The following KCNAB1 variants were observed in gnomAD, a reference collection of about 807,000 sequenced individuals.
KCNAB1 encodes voltage-gated potassium channel subunit beta-1.
A neutral mutation model predicts 64.6 loss-of-function variants in KCNAB1; 35 were observed. The observed-to-expected ratio is 0.54, with a 90% CI of 0.41 to 0.72. The LOEUF (loss-of-function observed/expected upper bound fraction) is 0.72. KCNAB1 is among the 30% of genes least tolerant of loss of function. The probability of loss-of-function intolerance (pLI) is 0.00; values close to 1 mark genes in which losing one functional copy is unlikely to be tolerated. For synonymous variants in KCNAB1, 177 were observed against 183.8 expected (o/e 0.96, Z 0.30); for missense variants, 401 against 512.9 (o/e 0.78, Z 2.11).
At chr3:156,130,305 A>ATAGGTG (rs1287403969) in intron 1 of KCNAB1, among the ~76,000 whole-genome samples, 1 of 152,214 alleles carries the variant, frequency 6.6e-6, no homozygotes, top group Non-Finnish European at 1.5e-5. Context: ...TCTAGTAAAA[A>ATAGGTG]TAGGTGTAGA....
At chr3:156,120,576 A>T (rs748629814), upstream of KCNAB1, 21 of 1,611,172 alleles carry the variant, frequency 1.3e-5, no homozygotes, top group Admixed American at 3.5e-4. Context: ...TACTTTGATG[A>T]CAGTGACTTC....
At chr3:156,285,931 G>A (rs1720077243) in intron 1 of KCNAB1, among the ~76,000 whole-genome samples, 1 of 152,224 alleles carries the variant, frequency 6.6e-6, no homozygotes, top group African/African-American at 2.4e-5. Flanking sequence ...ATAATCATTA[G>A]TGGCTGTAGA....
chr3:156,295,300 G>C (rs1576688671), intron 1 of KCNAB1, among the ~76,000 whole-genome samples: 2 of 152,078 alleles, frequency 1.3e-5, no homozygotes, highest in South Asian at 4.2e-4. Context: ...TAAGGTATAT[G>C]GTGCTACCTG....
chr3:156,489,748 T>C (rs1034278616), intron 8 of KCNAB1, among the ~76,000 whole-genome samples: 1 of 151,918 alleles, frequency 6.6e-6, no homozygotes, highest in Admixed American at 6.6e-5. Flanking sequence ...CCTAGACCAA[T>C]ATGTATGAAA....
chr3:156,179,457 C>A lies in KCNAB1; in HGVS notation c.275+58571C>A, dbSNP rs941136650. ...CCTCACCCCCTGCGTTCTTCCCCCG[C>A]GTTCTTCTGGCTAATTGCTCGTTAT... On this transcript the variant is annotated intron_variant, in intron 1 of 13. Transcript: ENST00000490337. Among the ~76,000 whole-genome samples the A allele has an allele frequency of 1.0e-4, 14 of 135,672 alleles. 1 individual carries two copies. The highest frequency in any genetic ancestry group is 1.6e-5 in the Non-Finnish European group (1 of 63,316). 89.0% of individuals were successfully genotyped at this position (135,672 alleles called of 152,430 possible).
In KCNAB1 at chr3:156,499,109, T is replaced by C. The variant is rs116604167; in HGVS notation, c.659-15255T>C. Among the ~76,000 whole-genome samples, 378 of 152,360 alleles carry C rather than the reference T, an allele frequency of 2.5e-3. 4 individuals are homozygous for C. Among genetic ancestry groups the C allele is most frequent in the African/African-American group, 8.9e-3 (368 of 41,576 alleles). On this transcript the variant is annotated intron_variant, in intron 8 of 13. Coordinates refer to ENST00000490337, the MANE Select transcript of KCNAB1 (RefSeq NM_172160.3). ...ATGAGAGTGTTTTTGAGAAAGTTAG[T>C]TAAGGCTTTAGAGGAAAAACATCTG...
chr3:156,152,687 C>T (rs775480093), intron 1 of KCNAB1, among the ~76,000 whole-genome samples: 18 of 152,148 alleles, frequency 1.2e-4, no homozygotes, highest in Non-Finnish European at 8.8e-5. Flanking sequence ...CCAAGCTCTC[C>T]GTTTAGCATT....
intron 1 of KCNAB1, among the ~76,000 whole-genome samples, chr3:156,275,344 C>G (rs1381247574): frequency 6.6e-6 from 1 of 152,134 alleles, no homozygotes; most frequent in African/African-American, 2.4e-5. Flanking sequence ...AGTGAGTAAT[C>G]TTTTTGTTAG....
chr3:156,377,721 G>T (rs1349992968), intron 1 of KCNAB1, among the ~76,000 whole-genome samples: 3 of 152,124 alleles, frequency 2.0e-5, no homozygotes, highest in African/African-American at 7.2e-5. Context: ...TGTGATATGA[G>T]AGCGATTGCT....
At chr3:156,346,026 C>T (rs1032595361) in intron 1 of KCNAB1, among the ~76,000 whole-genome samples, 9 of 151,960 alleles carry the variant, frequency 5.9e-5, no homozygotes, top group Non-Finnish European at 1.0e-4. Flanking sequence ...TAGCATTTAC[C>T]TGAAATCACA....
intron 1 of KCNAB1, among the ~76,000 whole-genome samples, chr3:156,338,578 C>G (rs1723891883): frequency 6.6e-6 from 1 of 152,080 alleles, no homozygotes; most frequent in Admixed American, 6.5e-5. Context: ...TCCCAAAGTG[C>G]TAGGATTACA....
chr3:156,173,871 T>G (rs1430808744), intron 1 of KCNAB1, among the ~76,000 whole-genome samples: 1 of 152,170 alleles, frequency 6.6e-6, no homozygotes, highest in Non-Finnish European at 1.5e-5. Context: ...GTTGAGGACC[T>G]GAATAGAACA....
At chr3:156,344,300 A>T (rs2108072296) in intron 1 of KCNAB1, among the ~76,000 whole-genome samples, 1 of 152,334 alleles carries the variant, frequency 6.6e-6, no homozygotes, top group Non-Finnish European at 1.5e-5. Flanking sequence ...GCCTTGCGAC[A>T]AAGAACTGCT....
At chr3:156,414,479 T>C (rs1714914569) in intron 1 of KCNAB1, among the ~76,000 whole-genome samples, 1 of 152,214 alleles carries the variant, frequency 6.6e-6, no homozygotes, top group East Asian at 1.9e-4. Flanking sequence ...ATGGTGAGCG[T>C]AAATGATTTT....
chr3:156,306,103 C>T (rs1721474125), intron 1 of KCNAB1, among the ~76,000 whole-genome samples: 1 of 152,060 alleles, frequency 6.6e-6, no homozygotes, highest in Admixed American at 6.5e-5. Flanking sequence ...ACAGTGGGGG[C>T]AAGTTATTGA....
chr3:156,140,076 G>A (rs1339606657), intron 1 of KCNAB1, among the ~76,000 whole-genome samples: 1 of 152,062 alleles, frequency 6.6e-6, no homozygotes, highest in Non-Finnish European at 1.5e-5. Flanking sequence ...TCTCAGATTT[G>A]TGCTAAATTA....
intron 12 of KCNAB1, among the ~76,000 whole-genome samples, chr3:156,530,986 T>A (rs1396753358): frequency 6.6e-6 from 1 of 152,122 alleles, no homozygotes; most frequent in Non-Finnish European, 1.5e-5. Context: ...GACAGGGCCT[T>A]ATGTGGAAAG....
intron 1 of KCNAB1, among the ~76,000 whole-genome samples, chr3:156,150,214 G>T (rs1715321219): frequency 6.6e-6 from 1 of 152,112 alleles, no homozygotes; most frequent in African/African-American, 2.4e-5. Context: ...GTAGTGAAAG[G>T]GGCTTATTCA....
chr3:156,281,610 T>G (rs1211186959), intron 1 of KCNAB1, among the ~76,000 whole-genome samples: 3 of 152,228 alleles, frequency 2.0e-5, no homozygotes, highest in African/African-American at 7.2e-5. Context: ...TCTTTTTGAT[T>G]GGTAAGCTAT....
Sources: allele counts gnomAD v4.1 joint callset (sites outside exome capture counted in the v4.1 genomes callset), GRCh38; gene constraint gnomAD v4.1.1; transcripts MANE v1.5; gene names NCBI Gene and HGNC (gene_info 2026-07-23, HGNC 2026-07-21).